BBS9: variants seen among roughly 807,000 people sequenced by gnomAD.
The protein encoded by BBS9 is protein PTHB1.
Under a neutral mutation model 117.7 loss-of-function variants are expected in BBS9, and 89 were observed. That is an observed-to-expected ratio of 0.76 (90% CI 0.64 to 0.90). BBS9 has a LOEUF of 0.90. Among genes scored for constraint, BBS9 ranks in the 40% least tolerant of loss-of-function variants. The pLI is 0.00. For missense variants in BBS9, 982 were observed against 1,042.2 expected (o/e 0.94, Z 0.80); for synonymous variants, 379 against 370.9 (o/e 1.02, Z -0.25).
Position 33,534,155 on chromosome 7 carries a change from C to CCA in BBS9, c.2503_2504dup (p.Gln835HisfsTer18), listed in dbSNP as rs758462362. The CCA allele has an allele frequency of 1.2e-6, 2 of 1,614,124 alleles. No individual in the cohort carries two copies. Among genetic ancestry groups the CCA allele is most frequent in the South Asian group, 2.2e-5 (2 of 91,078 alleles). On this transcript the variant is annotated frameshift_variant, in exon 21 of 23. Transcript: ENST00000242067. LOFTEE classifies it high-confidence loss of function. Reference sequence around the variant, plus strand: ...CTGCCTAAGTACCGATGCAGCAGCCCCACAGACCATGGTCATGCCAGGTAA... The same window carrying CCA: ...CTGCCTAAGTACCGATGCAGCAGCCCCACACAGACCATGGTCATGCCAGGTAA...
intron 17 of BBS9, among the ~76,000 whole-genome samples, chr7:33,378,320 AT>A (rs1208669394): frequency 6.6e-6 from 1 of 152,176 alleles, no homozygotes; most frequent in African/African-American, 2.4e-5. Context: ...ACTCAGCAAT[AT>A]TTTTTGAATA....
chr7:33,387,981 A>T lies in BBS9; in HGVS notation c.1963-11A>T. The T allele has an allele frequency of 1.2e-6, 2 of 1,613,576 alleles. No individual in the cohort carries two copies. Among genetic ancestry groups the T allele is most frequent in the Non-Finnish European group, 1.7e-6 (2 of 1,179,474 alleles). ...CCATTTAATCTCAATTTAAGAAATT[A>T]TTCATTGCAGCTACGGATAAATGGT... On this transcript the variant is annotated splice_polypyrimidine_tract_variant and intron_variant, in intron 18 of 22. Transcript: ENST00000242067.
chr7:33,344,058 C>A (rs938340745), intron 11 of BBS9, among the ~76,000 whole-genome samples: 6 of 129,350 alleles, frequency 4.6e-5, no homozygotes, highest in African/African-American at 1.7e-4. Flanking sequence ...GTGACCTTTT[C>A]TTTCCTTTTT....
At chr7:33,225,020 T>C (rs138585700) in intron 5 of BBS9, among the ~76,000 whole-genome samples, 30 of 152,200 alleles carry the variant, frequency 2.0e-4, no homozygotes, top group Non-Finnish European at 4.0e-4. Flanking sequence ...CCCAGAGATA[T>C]ATTCTTAGGA....
rs1864446925 is a variant in BBS9 at position 33,605,334 on chromosome 7, C to G, written c.*108C>G. ...GGGCTGGCGCAGGTGCTTCCTAAAG[C>G]TCACCTTCCTGGAGATGACATGCAT... On this transcript the variant is annotated 3_prime_UTR_variant, in exon 23 of 23. Transcript: ENST00000242067. 1 of 1,192,408 alleles carries G rather than the reference C, an allele frequency of 8.4e-7. No individual in the cohort carries two copies. The highest frequency in any genetic ancestry group is 1.3e-6 in the Non-Finnish European group (1 of 796,530). 73.9% of individuals were successfully genotyped at this position (1,192,408 alleles called of 1,614,324 possible).
intron 19 of BBS9, among the ~76,000 whole-genome samples, chr7:33,442,499 G>A (rs940685257): frequency 1.6e-4 from 25 of 152,124 alleles, no homozygotes; most frequent in African/African-American, 5.3e-4. Context: ...AAATTATTAC[G>A]TTTGTAGTGG....
At chr7:33,505,756 T>C (rs111299002) in intron 20 of BBS9, 111 bp downstream of exon 20, 2 of 1,188,024 alleles carry the variant, frequency 1.7e-6, no homozygotes, top group Admixed American at 4.5e-5. Flanking sequence ...AGGGTTTGAT[T>C]TTTTACAAAA....
chr7:33,544,862 C>T (rs955269031), intron 21 of BBS9, among the ~76,000 whole-genome samples: 12 of 151,928 alleles, frequency 7.9e-5, no homozygotes, highest in Non-Finnish European at 1.0e-4. Context: ...TTGAGGGGGT[C>T]TTGTTGCAGC....
intron 9 of BBS9, among the ~76,000 whole-genome samples, chr7:33,275,620 T>C (rs1800629025): frequency 1.3e-5 from 2 of 152,240 alleles, no homozygotes; most frequent in Non-Finnish European, 2.9e-5. Flanking sequence ...GGAGCCAATA[T>C]CTTGAAATAC....
At chr7:33,558,337 C>A (rs1457062277) in intron 21 of BBS9, among the ~76,000 whole-genome samples, 1 of 151,970 alleles carries the variant, frequency 6.6e-6, no homozygotes, top group Non-Finnish European at 1.5e-5. Flanking sequence ...CTTGAGGAAG[C>A]CTTACTGAGG....
chr7:33,225,686 AAGGAGCT>A (rs1791117657), intron 5 of BBS9, among the ~76,000 whole-genome samples: 2 of 144,794 alleles, frequency 1.4e-5, no homozygotes, highest in South Asian at 2.1e-4. Flanking sequence ...CCACTTCTTT[AAGGAGCT>A]TGGTTCTTTT....
At chr7:33,151,733 T>C (rs1246957921) in intron 2 of BBS9, among the ~76,000 whole-genome samples, 1 of 151,790 alleles carries the variant, frequency 6.6e-6, no homozygotes, top group Non-Finnish European at 1.5e-5. Flanking sequence ...CTATTTTTAG[T>C]AGAGATAGGG....
At chr7:33,204,813 G>C (rs189567465) in intron 5 of BBS9, among the ~76,000 whole-genome samples, 1 of 152,262 alleles carries the variant, frequency 6.6e-6, no homozygotes, top group East Asian at 1.9e-4. Flanking sequence ...ATACTTAGCT[G>C]TAACAGTCTC....
chr7:33,494,271 C>T (rs1017918445), intron 19 of BBS9, among the ~76,000 whole-genome samples: 3 of 152,060 alleles, frequency 2.0e-5, no homozygotes, highest in Non-Finnish European at 4.4e-5. Context: ...GTACCTGGGG[C>T]AGCCCCAACA....
At chr7:33,321,797 G>C (rs951154327) in intron 9 of BBS9, among the ~76,000 whole-genome samples, 3 of 152,050 alleles carry the variant, frequency 2.0e-5, no homozygotes, top group East Asian at 3.9e-4. Context: ...TCATGTTCCA[G>C]ATCTTAGAGG....
chr7:33,227,124 A>C (rs1791432605), intron 5 of BBS9, among the ~76,000 whole-genome samples: 1 of 152,006 alleles, frequency 6.6e-6, no homozygotes, highest in Non-Finnish European at 1.5e-5. Flanking sequence ...AAGAATGATA[A>C]TATATTATGT....
intron 19 of BBS9, among the ~76,000 whole-genome samples, chr7:33,407,951 A>G (rs1465751595): frequency 6.6e-6 from 1 of 152,214 alleles, no homozygotes; most frequent in African/African-American, 2.4e-5. Flanking sequence ...TGGGAGAACC[A>G]CTGCTCTCCT....
At chr7:33,315,195 A>T (rs891106862) in intron 9 of BBS9, among the ~76,000 whole-genome samples, 2 of 152,180 alleles carry the variant, frequency 1.3e-5, no homozygotes, top group African/African-American at 4.8e-5. Context: ...CAAGGTGTCA[A>T]CAGGGCTGGT....
intron 19 of BBS9, among the ~76,000 whole-genome samples, chr7:33,481,281 A>AAT (rs1215392448): frequency 6.6e-6 from 1 of 152,168 alleles, no homozygotes; most frequent in Non-Finnish European, 1.5e-5. Flanking sequence ...TGAAGAGGCT[A>AAT]ATATAGGAGA....
Sources: gnomAD v4.1 joint callset for allele counts (sites outside exome capture counted in the v4.1 genomes callset) on GRCh38, gnomAD v4.1.1 for gene constraint, MANE v1.5 for transcripts, NCBI Gene and HGNC (gene_info 2026-07-23, HGNC 2026-07-21) for gene names.